Variants in MTRES1 observed in about 807,000 individuals in gnomAD.
The protein encoded by MTRES1 is uncharacterized protein C6orf203.
In MTRES1, 11 loss-of-function variants were observed where a neutral mutation model predicts 17.4. The observed-to-expected ratio is 0.63, with a 90% CI of 0.40 to 1.05. The LOEUF (loss-of-function observed/expected upper bound fraction) is 1.05. Ranked by LOEUF, MTRES1 falls within the 50% of genes least tolerant of loss-of-function variation. The pLI is 0.00. For missense variants in MTRES1, 268 were observed against 276.2 expected (o/e 0.97, Z 0.21); for synonymous variants, 94 against 99.6 (o/e 0.94, Z 0.34).
At chr6:107,050,106 C>G (rs1368974458) in intron 3 of MTRES1, among the ~76,000 whole-genome samples, 2 of 152,228 alleles carry the variant, frequency 1.3e-5, no homozygotes, top group African/African-American at 4.8e-5. Flanking sequence ...CTGTCCATAC[C>G]TTCAGCACAG....
intron 1 of MTRES1, among the ~76,000 whole-genome samples, chr6:107,038,424 G>A (rs1774080893): frequency 6.6e-6 from 1 of 152,134 alleles, no homozygotes; most frequent in Non-Finnish European, 1.5e-5. Context: ...GATGGTTTCT[G>A]CTACATTTGA....
At chr6:107,049,527 T>C (rs1350153768) in intron 3 of MTRES1, among the ~76,000 whole-genome samples, 3 of 149,886 alleles carry the variant, frequency 2.0e-5, no homozygotes, top group Non-Finnish European at 4.4e-5. Flanking sequence ...CATTCTTCTG[T>C]CTCAGCCTCC....
intron 1 of MTRES1, chr6:107,029,886 G>A (rs1554226213): frequency 1.2e-5 from 7 of 590,752 alleles, no homozygotes. Flanking sequence ...GATTATAGGC[G>A]TGAGCCACCT....
rs535319319 is a variant in MTRES1, at chr6:107,041,779, C to T, written c.470+1549C>T. ...TCCTGACCTCGTGATCCACCCACCT[C>T]CGCTCCCAAAGTGCTGGGATTACAG... On this transcript the variant is annotated intron_variant, in intron 2 of 3. Coordinates refer to ENST00000311381, the MANE Select transcript of MTRES1 (RefSeq NM_016487.5). Among the ~76,000 whole-genome samples, 12 of 152,054 alleles carry T rather than the reference C, an allele frequency of 7.9e-5. No individual in the cohort carries two copies. In the South Asian group the frequency reaches 2.5e-3, roughly 32 times the overall value.
At chr6:107,046,212 G>A in intron 3 of MTRES1, among the ~76,000 whole-genome samples, 1 of 152,112 alleles carries the variant, frequency 6.6e-6, no homozygotes, top group East Asian at 1.9e-4. Flanking sequence ...CTCCTTCTAA[G>A]CTGCAGTATT....
chr6:107,050,169 A>G (rs1554228987), intron 3 of MTRES1, among the ~76,000 whole-genome samples: 1 of 151,064 alleles, frequency 6.6e-6, no homozygotes. Flanking sequence ...CATGCATTGC[A>G]CTGTCTCAAC....
chr6:107,038,155 C>A (rs1774072976), intron 1 of MTRES1, among the ~76,000 whole-genome samples: 1 of 152,142 alleles, frequency 6.6e-6, no homozygotes, highest in Admixed American at 6.6e-5. Flanking sequence ...GGGTCGTATG[C>A]TCATCCATGC....
At chr6:107,050,615 C>T (rs1439890175) in intron 3 of MTRES1, among the ~76,000 whole-genome samples, 2 of 142,818 alleles carry the variant, frequency 1.4e-5, no homozygotes, top group African/African-American at 5.3e-5. Context: ...CTCCCTCTGT[C>T]GCCCGGGCTG....
At position 107,039,108 on chromosome 6, in the gene MTRES1, AT is replaced by A. The variant is rs376188587; in HGVS notation, c.-12-633del. Among the ~76,000 whole-genome samples the A allele has an allele frequency of 8.6e-5, 13 of 151,934 alleles. No individual in the cohort carries two copies. The East Asian group carries it at 2.1e-3, about 25-fold the overall frequency. ...AACATAATTGAGAACTATTGTTAGT[AT>A]TTTTTTTAGGAGCAATCAGTACCCA... On this transcript the variant is annotated intron_variant, in intron 1 of 3. Transcript: ENST00000311381.
intron 1 of MTRES1, chr6:107,029,940 A>G: frequency 1.6e-6 from 1 of 632,162 alleles, no homozygotes; most frequent in South Asian, 1.9e-5. Context: ...ACCCTGCTCC[A>G]CTTTCTTCCC....
chr6:107,035,362 C>T (rs1447123899), intron 1 of MTRES1, among the ~76,000 whole-genome samples: 5 of 152,068 alleles, frequency 3.3e-5, no homozygotes, highest in African/African-American at 1.2e-4. Flanking sequence ...CTCCCAAACT[C>T]AGGTCATCAG....
At chr6:107,033,995 T>C (rs782476750) in intron 1 of MTRES1, among the ~76,000 whole-genome samples, 6 of 152,210 alleles carry the variant, frequency 3.9e-5, no homozygotes, top group Non-Finnish European at 8.8e-5. Context: ...CATTTGCCAA[T>C]GTTTGCCTGC....
chr6:107,046,603 G>C (rs570284778), intron 3 of MTRES1, among the ~76,000 whole-genome samples: 1 of 152,180 alleles, frequency 6.6e-6, no homozygotes, highest in African/African-American at 2.4e-5. Context: ...GACAGGGGCC[G>C]TGGAGGGGAA....
chr6:107,037,728 T>G (rs77116488), intron 1 of MTRES1, among the ~76,000 whole-genome samples: 2,869 of 151,634 alleles, frequency 0.019, 94 homozygotes, highest in African/African-American at 0.067. Context: ...ATTTATTTAT[T>G]TTATTTTTGA....
In MTRES1 at chr6:107,040,077, C is replaced by G. The variant is rs1554227469; in HGVS notation, c.317C>G (p.Ser106Cys). 6.2e-7 allele frequency: 1 copy of G among 1,613,698 alleles called. No individual in the cohort carries two copies. Among genetic ancestry groups the G allele is most frequent in the South Asian group, 1.1e-5 (1 of 90,988 alleles). Residue 106 changes from serine (S) to cysteine (C), a missense_variant, in exon 2 of 4, where the codon TCT becomes TGT. Physicochemically the swap from Ser to Cys is moderately radical, Grantham distance 112. Coordinates refer to ENST00000311381, the MANE Select transcript of MTRES1 (RefSeq NM_016487.5). ...CTGCAAAAAGTAGATGAAGAGGACT[C>G]TGATGAAGAAAGCCATCATGATGAG... ...KSLQKVDEED[S>C]DEESHHDEMS...
intron 3 of MTRES1, among the ~76,000 whole-genome samples, chr6:107,044,595 A>C (rs1236189523): frequency 6.6e-6 from 1 of 152,218 alleles, no homozygotes; most frequent in Non-Finnish European, 1.5e-5. Context: ...GCAGAAATCC[A>C]TTAATTAAAC....
At chr6:107,035,836 A>T (rs1484962626) in intron 1 of MTRES1, among the ~76,000 whole-genome samples, 2 of 151,950 alleles carry the variant, frequency 1.3e-5, no homozygotes, top group Admixed American at 1.3e-4. Flanking sequence ...TTTAGTAGAG[A>T]TGGGGTTTCA....
At position 107,029,941 on chromosome 6, in the gene MTRES1, C is replaced by A. The variant is rs964899321; in HGVS notation, c.-13+1670C>A. ...TCTCAATCCCCCTTACCCTGCTCCA[C>A]TTTCTTCCCCCAGTGCATTAACCAC... On this transcript the variant is annotated intron_variant, in intron 1 of 3. Transcript: ENST00000311381. 105 of 635,644 alleles carry A rather than the reference C, an allele frequency of 1.7e-4. 2 individuals are homozygous for A. Among genetic ancestry groups the A allele is most frequent in the African/African-American group, 7.3e-5 (4 of 54,472 alleles). 39.4% of individuals were successfully genotyped at this position (635,644 alleles called of 1,614,324 possible). A position where few individuals can be genotyped will look rare whatever the true frequency, so the allele number is the denominator to read the frequency against.
intron 1 of MTRES1, among the ~76,000 whole-genome samples, chr6:107,032,996 C>G (rs1278274700): frequency 1.3e-5 from 2 of 152,164 alleles, no homozygotes; most frequent in Non-Finnish European, 2.9e-5. Context: ...TGGCAGTTCC[C>G]TGGTGACAAG....
Sources: gnomAD v4.1 joint callset for allele counts (sites outside exome capture counted in the v4.1 genomes callset) on GRCh38, gnomAD v4.1.1 for gene constraint, MANE v1.5 for transcripts, NCBI Gene and HGNC (gene_info 2026-07-23, HGNC 2026-07-21) for gene names.